PIAS1: variants seen among roughly 807,000 people sequenced by gnomAD.
The protein encoded by PIAS1 is E3 SUMO-protein ligase PIAS1.
A neutral mutation model predicts 71.3 loss-of-function variants in PIAS1; 6 were observed. That is an observed-to-expected ratio of 0.08 (90% CI 0.05 to 0.17). The LOEUF (loss-of-function observed/expected upper bound fraction) is 0.17. Ranked by LOEUF, PIAS1 falls within the 10% of genes least tolerant of loss-of-function variation. The pLI is 1.00. For synonymous variants in PIAS1, 303 were observed against 292.9 expected (o/e 1.03, Z -0.35); for missense variants, 555 against 793.6 (o/e 0.70, Z 3.61).
Position 68,064,671 on chromosome 15 carries a change from A to T in PIAS1, c.24+10321A>T, listed in dbSNP as rs1436639630. Among the ~76,000 whole-genome samples, 3 of 152,232 alleles carry T rather than the reference A, an allele frequency of 2.0e-5. 1 individual carries two copies. The South Asian group carries it at 6.2e-4, about 32-fold the overall frequency. Reference sequence around the variant, plus strand: ...TATCTGAAAAGGCTAGAGCATTTTAATAAAAATACTCTATTTTTTCCCAAC... The same window carrying T: ...TATCTGAAAAGGCTAGAGCATTTTATTAAAAATACTCTATTTTTTCCCAAC... On this transcript the variant is annotated intron_variant, in intron 1 of 13. Coordinates refer to ENST00000249636, the MANE Select transcript of PIAS1 (RefSeq NM_016166.3).
intron 11 of PIAS1, among the ~76,000 whole-genome samples, 172 bp downstream of exon 11, chr15:68,176,826 C>A (rs2093022833): frequency 6.6e-6 from 1 of 152,086 alleles, no homozygotes. Flanking sequence ...TGGGGTAATG[C>A]ACCAAAAGGG....
intron 1 of PIAS1, among the ~76,000 whole-genome samples, chr15:68,060,875 G>A (rs1597112371): frequency 6.6e-6 from 1 of 152,214 alleles, no homozygotes; most frequent in South Asian, 2.1e-4. Flanking sequence ...GTAGAGACAG[G>A]GTTTCACCAT....
rs191711060 is a variant in PIAS1, at chr15:68,146,159, A to G, written c.693+253A>G. ...TGGATTTTGGGGCGAAGTTTTTTCAACAAAATCTCAGCTGTGTTCATGTGA... is the reference window on the plus strand; with the variant it reads ...TGGATTTTGGGGCGAAGTTTTTTCAGCAAAATCTCAGCTGTGTTCATGTGA... On this transcript the variant is annotated intron_variant, in intron 5 of 13. Coordinates refer to ENST00000249636, the MANE Select transcript of PIAS1 (RefSeq NM_016166.3). 2.6e-4 allele frequency among the ~76,000 whole-genome samples: 39 copies of G among 152,242 alleles called. 1 individual carries two copies. In the East Asian group the frequency reaches 3.1e-3, roughly 12 times the overall value.
intron 4 of PIAS1, among the ~76,000 whole-genome samples, chr15:68,145,088 T>G (rs1322715049): frequency 6.6e-6 from 1 of 152,134 alleles, no homozygotes; most frequent in East Asian, 1.9e-4. Flanking sequence ...AATAGCAAAA[T>G]AGTAATAAGA....
At chr15:68,090,609 T>G (rs1208550973) in intron 2 of PIAS1, among the ~76,000 whole-genome samples, 1 of 152,172 alleles carries the variant, frequency 6.6e-6, no homozygotes, top group East Asian at 1.9e-4. Flanking sequence ...TATTTCATTT[T>G]AATTCAGTGG....
Position 68,173,956 on chromosome 15 carries a change from A to G in PIAS1, c.1169+64A>G, listed in dbSNP as rs2141090522. 9.3e-7 allele frequency: 1 copy of G among 1,070,120 alleles called. No individual in the cohort carries two copies. The highest frequency in any genetic ancestry group is 1.2e-6 in the Non-Finnish European group (1 of 802,208). The allele number at this position is 1,070,120 out of a possible 1,614,324, so 66.3% of individuals were successfully genotyped here. A position where few individuals can be genotyped will look rare whatever the true frequency, so the allele number is the denominator to read the frequency against. On this transcript the variant is annotated intron_variant, in intron 9 of 13. Coordinates refer to ENST00000249636, the MANE Select transcript of PIAS1 (RefSeq NM_016166.3). The surrounding 1 kb of genome is among the most constrained non-coding windows in gnomAD (Gnocchi z 4.3). ...CATATATTATCTGGGTTTGTTACAC[A>G]TCAGATTTGGGATGAAAATTCTAAG...
chr15:68,158,154 A>G (rs2092903314), intron 7 of PIAS1, among the ~76,000 whole-genome samples: 1 of 152,182 alleles, frequency 6.6e-6, no homozygotes, highest in Non-Finnish European at 1.5e-5. Context: ...TTAGCATGAC[A>G]CACAAACTTT....
At chr15:68,151,707 C>CACACACACACACACACACACACACA (rs140053964) in intron 6 of PIAS1, among the ~76,000 whole-genome samples, 1 of 134,408 alleles carries the variant, frequency 7.4e-6, no homozygotes, top group African/African-American at 2.8e-5. Flanking sequence ...CACACACACA[C>CACACACACACACACACACACACACA]AAATTAGCTA....
chr15:68,084,849 C>A (rs1375738213), intron 1 of PIAS1, among the ~76,000 whole-genome samples: 1 of 152,062 alleles, frequency 6.6e-6, no homozygotes, highest in Non-Finnish European at 1.5e-5. Flanking sequence ...AATACAGATG[C>A]GAAAAGTGGC....
In PIAS1 at chr15:68,189,746, G is replaced by A. The variant is rs1353905153; in HGVS notation, c.*1911G>A. 6.6e-6 allele frequency: 1 copy of A among 151,820 alleles called. No homozygotes were observed. Among genetic ancestry groups the A allele is most frequent in the Non-Finnish European group, 1.5e-5 (1 of 67,972 alleles). 9.4% of individuals were successfully genotyped at this position (151,820 alleles called of 1,614,324 possible). A position where few individuals can be genotyped will look rare whatever the true frequency, so the allele number is the denominator to read the frequency against. On this transcript the variant is annotated 3_prime_UTR_variant, in exon 14 of 14. Transcript: ENST00000249636. The stretch of plus-strand genomic sequence containing the variant: ...TCCACACACAAATGGCTGAGTTATA[G>A]TCATAAAACAATTTGCAATAAAAAA...
At chr15:68,108,442 T>G (rs940639897) in intron 2 of PIAS1, among the ~76,000 whole-genome samples, 1 of 152,140 alleles carries the variant, frequency 6.6e-6, no homozygotes, top group African/African-American at 2.4e-5. Context: ...TGCTAGTCAT[T>G]TCTTCTTAGA....
At chr15:68,163,128 G>A (rs955506623) in intron 7 of PIAS1, among the ~76,000 whole-genome samples, 1 of 152,174 alleles carries the variant, frequency 6.6e-6, no homozygotes, top group African/African-American at 2.4e-5. Flanking sequence ...AGCCAACACA[G>A]TGAGTAATCA....
chr15:68,099,165 A>AT (rs2092402640), intron 2 of PIAS1, among the ~76,000 whole-genome samples: 1 of 151,250 alleles, frequency 6.6e-6, no homozygotes, highest in Non-Finnish European at 1.5e-5. Context: ...TTAAAAATAT[A>AT]TTTTTTAAAT....
chr15:68,073,645 G>C (rs572639641), intron 1 of PIAS1, among the ~76,000 whole-genome samples: 49 of 152,212 alleles, frequency 3.2e-4, no homozygotes, highest in South Asian at 1.5e-3. Flanking sequence ...GGGATAGGAG[G>C]GGGGAGAAGA....
chr15:68,162,086 C>T (rs2092928269), intron 7 of PIAS1, among the ~76,000 whole-genome samples: 1 of 152,040 alleles, frequency 6.6e-6, no homozygotes, highest in East Asian at 2.0e-4. Context: ...ATCCTTAAAA[C>T]AGTTCTGTGA....
intron 1 of PIAS1, among the ~76,000 whole-genome samples, chr15:68,070,421 G>A (rs1341807577): frequency 2.0e-5 from 3 of 152,200 alleles, no homozygotes; most frequent in Admixed American, 2.0e-4. Context: ...AGGTTCTGCT[G>A]GAAATGTCTA....
intron 6 of PIAS1, among the ~76,000 whole-genome samples, chr15:68,151,262 C>T (rs1001134985): frequency 1.3e-5 from 2 of 151,858 alleles, no homozygotes; most frequent in African/African-American, 4.8e-5. Flanking sequence ...TTGTTAGTAC[C>T]ACATTCTTTT....
intron 11 of PIAS1, among the ~76,000 whole-genome samples, chr15:68,177,139 C>T (rs560774470): frequency 1.3e-5 from 2 of 151,814 alleles, no homozygotes; most frequent in East Asian, 1.9e-4. Context: ...ATTAGCCAAG[C>T]GTGGTGGCAT....
chr15:68,099,800 CT>C (rs1469563132), intron 2 of PIAS1, among the ~76,000 whole-genome samples: 2 of 151,734 alleles, frequency 1.3e-5, no homozygotes, highest in African/African-American at 4.8e-5. Flanking sequence ...GTTATTGTCA[CT>C]TTTTTTATTT....
Sources: allele counts gnomAD v4.1 joint callset (sites outside exome capture counted in the v4.1 genomes callset), GRCh38; gene constraint gnomAD v4.1.1; non-coding constraint Gnocchi (gnomAD v3.1); transcripts MANE v1.5; gene names NCBI Gene and HGNC (gene_info 2026-07-23, HGNC 2026-07-21).